Variants in MARCHF4 observed in about 807,000 individuals in gnomAD.
MARCHF4 encodes E3 ubiquitin-protein ligase MARCHF4.
A neutral mutation model predicts 43.9 loss-of-function variants in MARCHF4; 14 were observed. That is an observed-to-expected ratio of 0.32 (90% CI 0.21 to 0.50). MARCHF4 has a LOEUF of 0.50. Ranked by LOEUF, MARCHF4 falls within the 20% of genes least tolerant of loss-of-function variation. The pLI, the probability that MARCHF4 is intolerant of heterozygous loss-of-function variation, is 0.98. For synonymous variants in MARCHF4, 226 were observed against 213.3 expected (o/e 1.06, Z -0.52); for missense variants, 468 against 536.7 (o/e 0.87, Z 1.27).
chr2:216,332,813 A>G (rs1446488823), intron 1 of MARCHF4, among the ~76,000 whole-genome samples: 1 of 152,224 alleles, frequency 6.6e-6, no homozygotes, highest in Non-Finnish European at 1.5e-5. Flanking sequence ...AATTAAATTG[A>G]AGGAGATTAG....
At chr2:216,360,990 A>G (rs1340980281) in intron 1 of MARCHF4, among the ~76,000 whole-genome samples, 1 of 152,052 alleles carries the variant, frequency 6.6e-6, no homozygotes, top group Non-Finnish European at 1.5e-5. Context: ...AAAGTATGGG[A>G]TGTTGATGGT....
intron 2 of MARCHF4, among the ~76,000 whole-genome samples, chr2:216,279,005 C>T (rs540011902): frequency 3.3e-5 from 5 of 152,258 alleles, no homozygotes; most frequent in South Asian, 2.1e-4. Context: ...AAGCCCTAGG[C>T]GAAAACAGAC....
intron 1 of MARCHF4, among the ~76,000 whole-genome samples, chr2:216,345,327 A>G (rs1053303533): frequency 2.0e-5 from 3 of 150,386 alleles, no homozygotes; most frequent in Non-Finnish European, 2.9e-5. Flanking sequence ...GCCAAAGAAC[A>G]CAAACTATTA....
At chr2:216,277,097 G>A (rs1269236007) in intron 3 of MARCHF4, among the ~76,000 whole-genome samples, 6 of 152,096 alleles carry the variant, frequency 3.9e-5, no homozygotes, top group Non-Finnish European at 7.4e-5. Context: ...CTCTCTGTGC[G>A]GCATTCCTTT....
At chr2:216,297,672 C>A (rs984914563) in intron 1 of MARCHF4, among the ~76,000 whole-genome samples, 3 of 152,210 alleles carry the variant, frequency 2.0e-5, no homozygotes, top group Non-Finnish European at 4.4e-5. Flanking sequence ...TGCCACCACA[C>A]CCGCCTAATG....
intron 1 of MARCHF4, among the ~76,000 whole-genome samples, chr2:216,296,003 G>A (rs761071160): frequency 2.6e-5 from 4 of 152,110 alleles, no homozygotes; most frequent in African/African-American, 7.2e-5. Flanking sequence ...AAAATTAGCC[G>A]GGCATGGTGG....
At chr2:216,333,314 T>C (rs1692109163) in intron 1 of MARCHF4, among the ~76,000 whole-genome samples, 1 of 152,168 alleles carries the variant, frequency 6.6e-6, no homozygotes, top group Non-Finnish European at 1.5e-5. Flanking sequence ...GCTAACCCTG[T>C]AGAAAAATGA....
intron 1 of MARCHF4, among the ~76,000 whole-genome samples, chr2:216,360,634 G>T (rs899176314): frequency 3.9e-5 from 6 of 152,128 alleles, no homozygotes; most frequent in Non-Finnish European, 7.4e-5. Flanking sequence ...GGGCACAGTG[G>T]GTTTTTAGGG....
Position 216,371,101 on chromosome 2 carries a change from G to C in MARCHF4, c.-841C>G, listed in dbSNP as rs1692752759. The C allele has an allele frequency of 6.6e-6, 1 of 152,282 alleles. No homozygotes were observed. Among genetic ancestry groups the C allele is most frequent in the South Asian group, 2.1e-4 (1 of 4,822 alleles). 9.4% of individuals were successfully genotyped at this position (152,282 alleles called of 1,614,324 possible). ...TAGAGGTTTGGGAAGGAAAAAGGAT[G>C]GGAGAAAAAGAAAAGATCGTTTAAC... is the stretch of plus-strand genomic sequence containing the variant. On this transcript the variant is annotated 5_prime_UTR_variant, in exon 1 of 4. Coordinates refer to ENST00000273067, the MANE Select transcript of MARCHF4 (RefSeq NM_020814.3).
intron 1 of MARCHF4, among the ~76,000 whole-genome samples, chr2:216,338,805 G>T (rs1692195209): frequency 6.6e-6 from 1 of 152,088 alleles, no homozygotes; most frequent in Non-Finnish European, 1.5e-5. Flanking sequence ...AAAGATGGTA[G>T]CCCACAGTCA....
rs754169279 is a variant in MARCHF4 at position 216,259,541 on chromosome 2, C to T, written c.1004G>A (p.Arg335Gln). Residue 335 changes from arginine (R) to glutamine (Q), a missense_variant, in exon 4 of 4, where the codon CGG becomes CAG. By Grantham distance (43) the Arg-to-Gln change is conservative (BLOSUM62 1). Transcript: ENST00000273067. ...DQKAGGRTNP[R>Q]TSSSTQANIP... ...ATTGGCCTGGGTGGATGAGGAGGTC[C>T]GGGGGTTGGTCCTGCCTCCTGCCTT... 1.4e-5 allele frequency: 22 copies of T among 1,613,968 alleles called. No homozygotes were observed. Among genetic ancestry groups the T allele is most frequent in the East Asian group, 2.2e-5 (1 of 44,876 alleles).
intron 3 of MARCHF4, among the ~76,000 whole-genome samples, chr2:216,263,358 T>C (rs1690773998): frequency 6.6e-6 from 1 of 150,552 alleles, no homozygotes; most frequent in African/African-American, 2.4e-5. Context: ...ACCCAGGAGG[T>C]GAAGGTTGCA....
intron 1 of MARCHF4, among the ~76,000 whole-genome samples, chr2:216,306,934 CA>C (rs1691596373): frequency 6.6e-6 from 1 of 152,008 alleles, no homozygotes; most frequent in African/African-American, 2.4e-5. Context: ...TCTCATAACA[CA>C]TTTTGCCTTG....
chr2:216,298,825 GTGATCCAT>G lies in MARCHF4; in HGVS notation c.517-15104_517-15097del, dbSNP rs544999373. ...ACTATGTCACAAAAAAATTCTCATG[GTGATCCAT>G]GATTTCACAGGTCCTGTCCATGTGT... On this transcript the variant is annotated intron_variant, in intron 1 of 3. Transcript: ENST00000273067. Among the ~76,000 whole-genome samples the G allele has an allele frequency of 1.3e-3, 203 of 152,196 alleles. 4 individuals carry two copies. Among genetic ancestry groups the G allele is most frequent in the Admixed American group, 0.01 (158 of 15,292 alleles).
intron 1 of MARCHF4, among the ~76,000 whole-genome samples, chr2:216,334,866 A>G (rs1047574134): frequency 3.3e-5 from 5 of 152,238 alleles, no homozygotes; most frequent in African/African-American, 7.2e-5. Context: ...CGTTAATGGA[A>G]TAAGTCAATA....
At chr2:216,266,047 A>G (rs1437727260) in intron 3 of MARCHF4, 1 of 152,222 alleles carries the variant, frequency 6.6e-6, no homozygotes, top group Non-Finnish European at 1.5e-5. Flanking sequence ...AAAGTAATCT[A>G]CTTCCAGATG....
chr2:216,278,447 G>A (rs1238775891), intron 2 of MARCHF4, among the ~76,000 whole-genome samples: 2 of 152,068 alleles, frequency 1.3e-5, no homozygotes, highest in Admixed American at 6.5e-5. Flanking sequence ...GGATGGTCTC[G>A]ATCTCCTGAC....
chr2:216,326,501 C>T (rs1431948899), intron 1 of MARCHF4, among the ~76,000 whole-genome samples: 1 of 151,366 alleles, frequency 6.6e-6, no homozygotes, highest in Non-Finnish European at 1.5e-5. Flanking sequence ...GCTTTAAAGA[C>T]ACATGCACAC....
chr2:216,295,765 C>G (rs1691380763), intron 1 of MARCHF4, among the ~76,000 whole-genome samples: 1 of 152,192 alleles, frequency 6.6e-6, no homozygotes, highest in Non-Finnish European at 1.5e-5. Flanking sequence ...GAGCCTAGAT[C>G]ATGTGTGTGG....
Sources: gnomAD v4.1 joint callset for allele counts (sites outside exome capture counted in the v4.1 genomes callset) on GRCh38, gnomAD v4.1.1 for gene constraint, MANE v1.5 for transcripts, NCBI Gene and HGNC (gene_info 2026-07-23, HGNC 2026-07-21) for gene names.